Variants in AP3B2 observed in about 807,000 individuals in gnomAD.
AP3B2 encodes the protein AP-3 complex subunit beta-2.
In AP3B2, 50 loss-of-function variants were observed where a neutral mutation model predicts 126.9. That is an observed-to-expected ratio of 0.39 (90% confidence interval 0.31 to 0.50). The LOEUF (loss-of-function observed/expected upper bound fraction) is 0.50, where lower values mean the gene tolerates loss of function less well. Ranked by LOEUF, AP3B2 falls within the 20% of genes least tolerant of loss-of-function variation. AP3B2 has a pLI of 0.79. For synonymous variants in AP3B2, 541 were observed against 565.0 expected (o/e 0.96, Z 0.60); for missense variants, 1,177 against 1,426.4 (o/e 0.83, Z 2.82).
chr15:82,662,051 T>C (rs1310686798), intron 24 of AP3B2, 117 bp downstream of exon 24: 21 of 1,310,046 alleles, frequency 1.6e-5, no homozygotes, highest in Non-Finnish European at 1.6e-5. Context: ...TGAGATGGCT[T>C]CCAGACCCAC....
At chr15:82,663,039 A>G (rs1358760693) in intron 22 of AP3B2, 88 bp downstream of exon 22, 3 of 1,488,824 alleles carry the variant, frequency 2.0e-6, no homozygotes, top group Non-Finnish European at 2.8e-6. Flanking sequence ...CCTCCATCAC[A>G]CCCACCCCCC....
chr15:82,707,033 A>G (rs992852778), intron 1 of AP3B2, among the ~76,000 whole-genome samples: 3 of 152,134 alleles, frequency 2.0e-5, no homozygotes, highest in African/African-American at 7.2e-5. Flanking sequence ...CCTTTCCCAC[A>G]GGGTCTGAGA....
chr15:82,674,428 G>A (rs2048209887), intron 14 of AP3B2, among the ~76,000 whole-genome samples: 1 of 152,316 alleles, frequency 6.6e-6, no homozygotes, highest in African/African-American at 2.4e-5. Flanking sequence ...GGTGAAGGGC[G>A]CCCTGGAGGT....
Position 82,662,890 on chromosome 15 carries a change from C to A in AP3B2, c.2637G>T (p.Gln879His). 1 of 1,613,484 alleles carries A rather than the reference C, an allele frequency of 6.2e-7. No individual in the cohort carries two copies. The highest frequency in any genetic ancestry group is 8.5e-7 in the Non-Finnish European group (1 of 1,179,776). ...LLSPVSGVGRQELLHRVAGEG... is the reference protein window; with the variant it reads ...LLSPVSGVGRHELLHRVAGEG... ...CGCCAGCTACCCGGTGCAGCAGCTC[C>A]TGCCGCCCAACACCCGATACTGGAC... Residue 879 changes from glutamine (Q) to histidine (H), a missense_variant, in exon 23 of 27, where the codon CAG becomes CAT. Transcript: ENST00000535359.
rs1168598290 is a variant in AP3B2 at position 82,681,083 on chromosome 15, C to T, written c.588+29G>A. 6.2e-7 allele frequency: 1 copy of T among 1,613,464 alleles called. No homozygotes were observed. Among genetic ancestry groups the T allele is most frequent in the African/African-American group, 1.3e-5 (1 of 75,042 alleles). On this transcript the variant is annotated intron_variant, in intron 6 of 26. Transcript: ENST00000535359. The surrounding 1 kb of genome is among the most constrained non-coding windows in gnomAD (Gnocchi z 4.0). ...GTGGAAGGCCGGCTGCCGGTCACCA[C>T]CCCTCCCGGAGCGCCCCTATACACG...
At chr15:82,709,502 G>A (rs2048848549) in intron 1 of AP3B2, 92 bp downstream of exon 1, 1 of 886,290 alleles carries the variant, frequency 1.1e-6, no homozygotes, top group South Asian at 4.8e-5. Flanking sequence ...GGCGGGGCCG[G>A]CGCTGGGGCC....
intron 14 of AP3B2, among the ~76,000 whole-genome samples, chr15:82,674,026 A>G (rs2048202136): frequency 6.6e-6 from 1 of 152,072 alleles, no homozygotes; most frequent in South Asian, 2.1e-4. Context: ...CGCCACCTGC[A>G]TGTTATGCCT....
chr15:82,667,054 C>T lies in AP3B2; in HGVS notation c.1666-121G>A, dbSNP rs76194484. The T allele has an allele frequency of 3.6e-4, 363 of 1,000,352 alleles. No homozygotes were observed. The African/African-American group carries it at 4.2e-3, about 12-fold the overall frequency. The allele number at this position is 1,000,352 out of a possible 1,614,324, so 62.0% of individuals were successfully genotyped here. A position where few individuals can be genotyped will look rare whatever the true frequency, so the allele number is the denominator to read the frequency against. On this transcript the variant is annotated intron_variant, in intron 14 of 26. Transcript: ENST00000535359. ...GTCTCCTCTCCCTGCTTAGGACCGGCGCTTCCACCCAGCTGTCCCTCCCCA... is the reference window on the plus strand; with the variant it reads ...GTCTCCTCTCCCTGCTTAGGACCGGTGCTTCCACCCAGCTGTCCCTCCCCA...
rs61213011 is a variant in AP3B2 at position 82,683,047 on chromosome 15, GTTTTTTTTTTTT to G, written c.361-1479_361-1468del. ...AATGTTCACAGCATCTGCACCAGGA[GTTTTTTTTTTTT>G]TTTTTTTTTTTTTTTTTGTAACGGA... is the stretch of plus-strand genomic sequence containing the variant. On this transcript the variant is annotated intron_variant, in intron 4 of 26. Coordinates refer to ENST00000535359, the MANE Select transcript of AP3B2 (RefSeq NM_001278512.2). Among the ~76,000 whole-genome samples the G allele has an allele frequency of 3.0e-3, 236 of 77,734 alleles. 1 individual carries two copies. Among genetic ancestry groups the G allele is most frequent in the African/African-American group, 9.3e-3 (209 of 22,468 alleles). The allele number at this position is 77,734 out of a possible 152,430, so 51.0% of individuals were successfully genotyped here.
At chr15:82,674,525 T>C (rs1435983726) in intron 14 of AP3B2, among the ~76,000 whole-genome samples, 1 of 152,226 alleles carries the variant, frequency 6.6e-6, no homozygotes, top group Non-Finnish European at 1.5e-5. Flanking sequence ...TACCCACAGC[T>C]CGCTGTGCCA....
intron 1 of AP3B2, among the ~76,000 whole-genome samples, chr15:82,695,095 CTTTTT>C (rs747831776): frequency 4.5e-5 from 6 of 134,802 alleles, no homozygotes; most frequent in Admixed American, 7.5e-5. Flanking sequence ...TTCTTTCTTT[CTTTTT>C]TTTTTTTTTT....
chr15:82,671,540 C>CATGGTG (rs2048159138), intron 14 of AP3B2, among the ~76,000 whole-genome samples: 1 of 150,380 alleles, frequency 6.6e-6, no homozygotes, highest in African/African-American at 2.5e-5. Context: ...AGATCAAGAC[C>CATGGTG]ATCCTGGCCA....
At chr15:82,660,245 C>T (rs1174768296) in intron 25 of AP3B2, among the ~76,000 whole-genome samples, 1 of 152,158 alleles carries the variant, frequency 6.6e-6, no homozygotes, top group Non-Finnish European at 1.5e-5. Context: ...GGCGCTTCCT[C>T]CATCAGACAT....
At chr15:82,709,215 G>C (rs1433519885) in intron 1 of AP3B2, among the ~76,000 whole-genome samples, 1 of 152,064 alleles carries the variant, frequency 6.6e-6, no homozygotes, top group African/African-American at 2.4e-5. Flanking sequence ...GCTCAAGTTC[G>C]CTGACTCAGA....
Position 82,680,779 on chromosome 15 carries a change from T to C in AP3B2, c.772-24A>G. On this transcript the variant is annotated intron_variant, in intron 7 of 26. Coordinates refer to ENST00000535359, the MANE Select transcript of AP3B2 (RefSeq NM_001278512.2). The surrounding 1 kb of genome is among the most constrained non-coding windows in gnomAD (Gnocchi z 6.1). Reference sequence around the variant, plus strand: ...TCCTGGACGGGGAGACCGACGGGTCTGTGGGCGCCTCCCCGGGACACACTT... The same window carrying C: ...TCCTGGACGGGGAGACCGACGGGTCCGTGGGCGCCTCCCCGGGACACACTT... 10 of 1,602,960 alleles carry C rather than the reference T, an allele frequency of 6.2e-6. No homozygotes were observed. Among genetic ancestry groups the C allele is most frequent in the African/African-American group, 1.3e-5 (1 of 74,844 alleles).
At chr15:82,692,279 G>T in intron 1 of AP3B2, 1 of 743,908 alleles carries the variant, frequency 1.3e-6, no homozygotes, top group Non-Finnish European at 2.2e-6. Flanking sequence ...GGCCGTACTT[G>T]TAGAAAAGGT....
At position 82,663,135 on chromosome 15, in the gene AP3B2, C is replaced by A. The variant is rs1308192487; in HGVS notation, c.2596G>T (p.Val866Leu). Residue 866 changes from valine to leucine, a missense_variant, in exon 22 of 27, where the codon GTA becomes TTA. This residue lies in a region of AP3B2 where 587 missense variants were observed against 571.3 expected (regional missense o/e 1.03). Transcript: ENST00000535359. ...TCCTCCATCCCACTCACCGACGGTA[C>A]CAGGGTGGAGTCTGTGAGTGTCAGG... ...EGLTLTDSTLVPSLLSPVSGV... is the reference protein window; with the variant it reads ...EGLTLTDSTLLPSLLSPVSGV... 1 of 1,610,536 alleles carries A rather than the reference C, an allele frequency of 6.2e-7. No individual in the cohort carries two copies. Among genetic ancestry groups the A allele is most frequent in the Admixed American group, 1.7e-5 (1 of 59,834 alleles).
chr15:82,681,050 C>A lies in AP3B2; in HGVS notation c.589-31G>T. On this transcript the variant is annotated intron_variant, in intron 6 of 26. Transcript: ENST00000535359. This position sits in a 1 kb window ranked among gnomAD's most constrained non-coding sequence, Gnocchi z 4.0. The stretch of plus-strand genomic sequence containing the variant: ...GAAAGAACAAAGACGAGAGGGTGAA[C>A]GCGAAGGGTGGAAGGCCGGCTGCCG... 6.2e-7 allele frequency: 1 copy of A among 1,613,464 alleles called. No individual in the cohort carries two copies. The highest frequency in any genetic ancestry group is 8.5e-7 in the Non-Finnish European group (1 of 1,179,836).
intron 4 of AP3B2, chr15:82,688,303 C>A: frequency 1.6e-6 from 1 of 637,138 alleles, no homozygotes; most frequent in Non-Finnish European, 2.8e-6. Flanking sequence ...AGGCCTTGGG[C>A]AAAATGAAAC....
Sources: allele counts gnomAD v4.1 joint callset (sites outside exome capture counted in the v4.1 genomes callset), GRCh38; gene constraint gnomAD v4.1.1; regional missense constraint gnomAD v4.1.1; non-coding constraint Gnocchi (gnomAD v3.1); transcripts MANE v1.5; gene names NCBI Gene and HGNC (gene_info 2026-07-23, HGNC 2026-07-21).